The following DNPEP variants were observed in gnomAD, a reference collection of about 807,000 sequenced individuals.
DNPEP encodes aspartyl aminopeptidase.
A neutral mutation model predicts 59.1 loss-of-function variants in DNPEP; 46 were observed. That is an observed-to-expected ratio of 0.78 (90% CI 0.61 to 0.99). DNPEP has a LOEUF of 0.99. Ranked by LOEUF, DNPEP falls within the 50% of genes least tolerant of loss-of-function variation. DNPEP has a pLI of 0.00. For missense variants in DNPEP, 617 were observed against 649.9 expected, an observed-to-expected ratio of 0.95 and a Z score of 0.55; for synonymous variants, 229 against 242.2, an observed-to-expected ratio of 0.95 and a Z score of 0.50.
intron 1 of DNPEP, among the ~76,000 whole-genome samples, chr2:219,398,340 G>A (rs1466610770): frequency 6.6e-6 from 1 of 152,198 alleles, no homozygotes; most frequent in Non-Finnish European, 1.5e-5. Flanking sequence ...CTAAATTAGT[G>A]AATAAATGGC....
chr2:219,388,172 C>T (rs1416895884), upstream of DNPEP, among the ~76,000 whole-genome samples: 3 of 140,624 alleles, frequency 2.1e-5, no homozygotes, highest in Admixed American at 1.4e-4. Flanking sequence ...CCGCCCCGCC[C>T]CTCGTCAAGC....
upstream of DNPEP, chr2:219,388,917 G>A: frequency 1.0e-6 from 1 of 974,390 alleles, no homozygotes; most frequent in Non-Finnish European, 1.2e-6. Context: ...GCTGAGATAC[G>A]GAGACTAGTG....
chr2:219,388,676 A>G (rs1953957063), upstream of DNPEP: 2 of 985,686 alleles, frequency 2.0e-6, no homozygotes, highest in African/African-American at 1.7e-5. Context: ...CTCGAGGCCA[A>G]TAAAAAGCTC....
At position 219,374,218 on chromosome 2, in the gene DNPEP, A is replaced by G; in HGVS notation, c.*74T>C. The G allele has an allele frequency of 7.2e-7, 1 of 1,385,824 alleles. No homozygotes were observed. Among genetic ancestry groups the G allele is most frequent in the East Asian group, 2.3e-5 (1 of 43,696 alleles). The allele number at this position is 1,385,824 out of a possible 1,614,324, so 85.8% of individuals were successfully genotyped here. A position where few individuals can be genotyped will look rare whatever the true frequency, so the allele number is the denominator to read the frequency against. ...GTCTGAGTGACAATCCACTTTAATAATCCAGCTTCAGCTCAGCTGAGAACT... is the reference window on the plus strand; with the variant it reads ...GTCTGAGTGACAATCCACTTTAATAGTCCAGCTTCAGCTCAGCTGAGAACT... On this transcript the variant is annotated 3_prime_UTR_variant, in exon 15 of 15. Coordinates refer to ENST00000273075, the MANE Select transcript of DNPEP (RefSeq NM_012100.4).
At chr2:219,383,822 C>T (rs1428227943) in intron 9 of DNPEP, among the ~76,000 whole-genome samples, 2 of 151,974 alleles carry the variant, frequency 1.3e-5, no homozygotes, top group Non-Finnish European at 2.9e-5. Context: ...CACAGGATTA[C>T]AGGGAAGGAA....
upstream of DNPEP, among the ~76,000 whole-genome samples, chr2:219,390,427 T>C (rs1181090022): frequency 6.6e-6 from 1 of 152,244 alleles, no homozygotes; most frequent in Non-Finnish European, 1.5e-5. Flanking sequence ...AAGGTTCTTA[T>C]TGACCATTTT....
upstream of DNPEP, among the ~76,000 whole-genome samples, chr2:219,393,293 T>C (rs1954047635): frequency 6.6e-6 from 1 of 152,140 alleles, no homozygotes; most frequent in African/African-American, 2.4e-5. Context: ...TTTTTTAGTT[T>C]TTTTGAGACA....
chr2:219,386,246 C>T, intron 5 of DNPEP, 40 bp downstream of exon 5: 1 of 1,613,652 alleles, frequency 6.2e-7, no homozygotes, highest in Non-Finnish European at 8.5e-7. Context: ...GGCAGTCAGT[C>T]TTCTGAGGAG....
rs779579106 is a variant in DNPEP at position 219,381,402 on chromosome 2, T to C, written c.1172A>G (p.Tyr391Cys). 7.4e-6 allele frequency: 12 copies of C among 1,614,130 alleles called. No individual in the cohort carries two copies. The highest frequency in any genetic ancestry group is 1.6e-4 in the Middle Eastern group (1 of 6,084). ...GGCCTCTGACACCGCGTTTGAAGCA[T>C]AGCGTTGCTTGCTGTTCACCTTGAT... is the stretch of plus-strand genomic sequence containing the variant. ...PVIKVNSKQR[Y>C]ASNAVSEALI... The change falls in exon 13 of 15, where the codon TAT (tyrosine) becomes TGT (cysteine). Residue 391 changes from tyrosine to cysteine, a missense_variant. Transcript: ENST00000273075.
intron 5 of DNPEP, 45 bp downstream of exon 5, chr2:219,386,237 GCAGT>G (rs1215864983): frequency 2.5e-5 from 41 of 1,613,054 alleles, no homozygotes; most frequent in African/African-American, 5.3e-5. Flanking sequence ...GAGGAGTGTG[GCAGT>G]CAGTCTTCTG....
chr2:219,381,389 C>T lies in DNPEP; in HGVS notation c.1185G>A (p.Ala395=), dbSNP rs368283712. ...VNSKQRYASN[A]VSEALIREVA... ...CCTCTCGGATCAGGGCCTCTGACAC[C>T]GCGTTTGAAGCATAGCGTTGCTTGC... Residue 395 remains alanine (A), a synonymous_variant, in exon 13 of 15, where the codon GCG becomes GCA. Coordinates refer to ENST00000273075, the MANE Select transcript of DNPEP (RefSeq NM_012100.4). The T allele has an allele frequency of 1.1e-5, 17 of 1,614,114 alleles. No individual in the cohort carries two copies. The highest frequency in any genetic ancestry group is 4.5e-5 in the East Asian group (2 of 44,904).
chr2:219,395,858 C>T (rs1469012359), intron 1 of DNPEP, among the ~76,000 whole-genome samples: 9 of 152,164 alleles, frequency 5.9e-5, no homozygotes, highest in Non-Finnish European at 1.0e-4. Flanking sequence ...AACCTGCTGG[C>T]CTGTGACATG....
At position 219,381,424 on chromosome 2, in the gene DNPEP, T is replaced by A. The variant is rs200549109; in HGVS notation, c.1150A>T (p.Lys384Ter). 1.2e-6 allele frequency: 2 copies of A among 1,614,228 alleles called. No homozygotes were observed. The highest frequency in any genetic ancestry group is 1.7e-6 in the Non-Finnish European group (2 of 1,180,050). The part of the protein sequence containing the change: ...RPLFHKGPVI[K>*]VNSKQRYASN... The stretch of plus-strand genomic sequence containing the variant: ...GCATAGCGTTGCTTGCTGTTCACCT[T>A]GATCACGGGGCCCTGGGGAGAGTCA... The change falls in exon 13 of 15, where the codon AAG (lysine) becomes TAG (stop). Residue 384 changes from lysine (K) to a stop codon, truncating the protein, a stop_gained. Transcript: ENST00000273075. LOFTEE classifies it high-confidence loss of function.
chr2:219,382,708 CAT>C (rs1269928575), intron 10 of DNPEP, among the ~76,000 whole-genome samples: 2 of 152,190 alleles, frequency 1.3e-5, no homozygotes, highest in African/African-American at 4.8e-5. Context: ...AAATGGAAGT[CAT>C]GTGTTCAGGA....
chr2:219,386,404 C>T lies in DNPEP; in HGVS notation c.341G>A (p.Arg114His), dbSNP rs201500221. ...GCCCACCTGGCTGCGGCGAGACCGACGTTTCACCTGAGTGTAAAGATGGAG... is the reference window on the plus strand; with the variant it reads ...GCCCACCTGGCTGCGGCGAGACCGATGTTTCACCTGAGTGTAAAGATGGAG... The part of the protein sequence containing the change: ...HTDSPCLRVK[R>H]RSRRSQVGFQ... Residue 114 changes from arginine (R) to histidine (H), a missense_variant, in exon 5 of 15, where the codon CGT becomes CAT. Physicochemically the swap from Arg to His is conservative, Grantham distance 29. Transcript: ENST00000273075. The T allele has an allele frequency of 6.2e-6, 10 of 1,614,172 alleles. No homozygotes were observed. In the Admixed American group the frequency reaches 6.7e-5, roughly 11 times the overall value.
upstream of DNPEP, among the ~76,000 whole-genome samples, chr2:219,391,585 T>C (rs1954017315): frequency 6.6e-6 from 1 of 152,212 alleles, no homozygotes; most frequent in Admixed American, 6.5e-5. Flanking sequence ...TTTTAATGAT[T>C]GCTGTGTTTA....
intron 10 of DNPEP, among the ~76,000 whole-genome samples, chr2:219,382,915 C>T (rs1359275022): frequency 1.3e-5 from 2 of 152,206 alleles, no homozygotes; most frequent in Non-Finnish European, 2.9e-5. Flanking sequence ...AGAAGCTCAC[C>T]ATGTGGCACA....
chr2:219,386,875 C>T lies in DNPEP; in HGVS notation c.219+17G>A, dbSNP rs777610499. The T allele has an allele frequency of 3.1e-6, 5 of 1,602,854 alleles. No individual in the cohort carries two copies. Among genetic ancestry groups the T allele is most frequent in the African/African-American group, 1.3e-5 (1 of 74,608 alleles). ...GCCTAGGGACCTGCCTTTCCACCCCCACCCCACCCCCAGTACCTTGCTCTC... is the reference window on the plus strand; with the variant it reads ...GCCTAGGGACCTGCCTTTCCACCCCTACCCCACCCCCAGTACCTTGCTCTC... On this transcript the variant is annotated intron_variant, in intron 3 of 14. Coordinates refer to ENST00000273075, the MANE Select transcript of DNPEP (RefSeq NM_012100.4).
At chr2:219,384,274 C>T (rs2125137686) in intron 9 of DNPEP, 92 bp downstream of exon 9, 7 of 1,294,960 alleles carry the variant, frequency 5.4e-6, no homozygotes, top group Non-Finnish European at 7.5e-6. Flanking sequence ...CCCTCTCTCA[C>T]AACCTGCTGG....
Sources: allele counts gnomAD v4.1 joint callset (sites outside exome capture counted in the v4.1 genomes callset), GRCh38; gene constraint gnomAD v4.1.1; transcripts MANE v1.5; gene names NCBI Gene and HGNC (gene_info 2026-07-23, HGNC 2026-07-21).